Variants in MYO3B observed in about 807,000 individuals in gnomAD.
The protein encoded by MYO3B is myosin-IIIb.
Under a neutral mutation model 174.6 loss-of-function variants are expected in MYO3B, and 156 were observed. The ratio of observed to expected loss-of-function variants is 0.89; its 90% confidence interval spans 0.78 to 1.02. MYO3B has a LOEUF of 1.02. Among genes scored for constraint, MYO3B ranks in the 50% least tolerant of loss-of-function variants. MYO3B has a pLI of 0.00. For missense variants in MYO3B, 1,632 were observed against 1,639.4 expected (o/e 1.00, Z 0.08); for synonymous variants, 563 against 569.1 (o/e 0.99, Z 0.15).
intron 32 of MYO3B, among the ~76,000 whole-genome samples, chr2:170,606,003 G>C (rs773567660): frequency 1.7e-4 from 26 of 151,982 alleles, no homozygotes; most frequent in Non-Finnish European, 3.1e-4. Flanking sequence ...TCTTGATTTT[G>C]TCCATTTCTC....
intron 32 of MYO3B, among the ~76,000 whole-genome samples, chr2:170,571,866 A>G (rs1189577001): frequency 6.6e-6 from 1 of 152,218 alleles, no homozygotes; most frequent in African/African-American, 2.4e-5. Context: ...TGCCTTTTCA[A>G]CAACTTTTTA....
At chr2:170,265,845 CA>C (rs1422946617) in intron 7 of MYO3B, among the ~76,000 whole-genome samples, 8 of 151,848 alleles carry the variant, frequency 5.3e-5, no homozygotes, top group African/African-American at 1.9e-4. Context: ...GAGTATGCAA[CA>C]AGATGAAAAC....
chr2:170,314,671 A>G (rs2093762436), intron 7 of MYO3B, among the ~76,000 whole-genome samples: 1 of 152,232 alleles, frequency 6.6e-6, no homozygotes, highest in Admixed American at 6.5e-5. Context: ...ATAAAGAACT[A>G]TGTATTTTAA....
At chr2:170,253,412 G>A (rs766128176) in intron 7 of MYO3B, among the ~76,000 whole-genome samples, 6 of 152,228 alleles carry the variant, frequency 3.9e-5, no homozygotes, top group Non-Finnish European at 7.3e-5. Context: ...CTTGGTGGGA[G>A]TATGCAGCCG....
intron 7 of MYO3B, among the ~76,000 whole-genome samples, chr2:170,255,804 T>A (rs2093299894): frequency 2.0e-5 from 3 of 152,124 alleles, no homozygotes. Context: ...CTCACCAAAT[T>A]GAAATGTCTG....
At chr2:170,313,835 C>T (rs1226815354) in intron 7 of MYO3B, among the ~76,000 whole-genome samples, 1 of 152,106 alleles carries the variant, frequency 6.6e-6, no homozygotes, top group Non-Finnish European at 1.5e-5. Flanking sequence ...TTTTCCACCC[C>T]TCAATAGTAG....
At chr2:170,278,472 A>T (rs554962069) in intron 7 of MYO3B, among the ~76,000 whole-genome samples, 3 of 152,134 alleles carry the variant, frequency 2.0e-5, no homozygotes, top group Admixed American at 1.3e-4. Flanking sequence ...TAGTGCATAA[A>T]TTTTTTCTTT....
intron 32 of MYO3B, among the ~76,000 whole-genome samples, chr2:170,633,321 C>A (rs909788739): frequency 1.3e-5 from 2 of 152,172 alleles, no homozygotes; most frequent in African/African-American, 2.4e-5. Context: ...TCAACATACG[C>A]AAATCAATAA....
chr2:170,232,155 T>C (rs190785861), intron 6 of MYO3B, among the ~76,000 whole-genome samples: 137 of 152,310 alleles, frequency 9.0e-4, no homozygotes, highest in Middle Eastern at 6.8e-3. Flanking sequence ...CACCTTCTCC[T>C]GGGGACAAGG....
intron 9 of MYO3B, among the ~76,000 whole-genome samples, chr2:170,375,174 A>G (rs931922603): frequency 6.6e-6 from 1 of 152,126 alleles, no homozygotes; most frequent in African/African-American, 2.4e-5. Context: ...TTCTTCCCCA[A>G]ACCAGTTTTG....
intron 22 of MYO3B, among the ~76,000 whole-genome samples, chr2:170,440,962 C>T (rs1322893665): frequency 3.3e-5 from 5 of 151,712 alleles, no homozygotes; most frequent in East Asian, 3.9e-4. Context: ...CCACCACGCC[C>T]GGCTAATTTT....
chr2:170,272,616 T>G (rs1357342575), intron 7 of MYO3B, among the ~76,000 whole-genome samples: 1 of 152,076 alleles, frequency 6.6e-6, no homozygotes, highest in African/African-American at 2.4e-5. Flanking sequence ...TTTGAGAGTG[T>G]CTCCCAAAAA....
At chr2:170,517,684 A>G (rs1354079420) in intron 29 of MYO3B, among the ~76,000 whole-genome samples, 2 of 152,202 alleles carry the variant, frequency 1.3e-5, no homozygotes, top group Admixed American at 6.5e-5. Context: ...CCTTCTTAAC[A>G]GGGAAACAGA....
intron 32 of MYO3B, among the ~76,000 whole-genome samples, chr2:170,559,854 A>T (rs923905429): frequency 9.9e-5 from 15 of 152,042 alleles, no homozygotes; most frequent in African/African-American, 3.6e-4. Context: ...CTGATATTTA[A>T]GGTTTTTATT....
chr2:170,399,357 C>T (rs1203920665), intron 16 of MYO3B, among the ~76,000 whole-genome samples: 2 of 134,104 alleles, frequency 1.5e-5, no homozygotes, highest in Non-Finnish European at 1.6e-5. Flanking sequence ...GTCTGTAATC[C>T]CAGCTACTTG....
intron 25 of MYO3B, among the ~76,000 whole-genome samples, chr2:170,486,198 TC>T (rs1197226411): frequency 6.6e-6 from 1 of 152,004 alleles, no homozygotes; most frequent in African/African-American, 2.4e-5. Context: ...TTAGGAGGCT[TC>T]CAACTTATTA....
chr2:170,574,941 C>T (rs975353167), intron 32 of MYO3B, among the ~76,000 whole-genome samples: 5 of 152,144 alleles, frequency 3.3e-5, no homozygotes, highest in African/African-American at 1.2e-4. Flanking sequence ...TTCACTTACC[C>T]TCCCCACTCC....
chr2:170,560,657 T>C (rs1175074848), intron 32 of MYO3B, among the ~76,000 whole-genome samples: 1 of 152,204 alleles, frequency 6.6e-6, no homozygotes, highest in Non-Finnish European at 1.5e-5. Context: ...TCTTAGGGGA[T>C]GAGTTTACAC....
chr2:170,537,448 A>ATTTTTTTGTTTTTTTTT (rs1689789410), intron 30 of MYO3B, among the ~76,000 whole-genome samples: 1 of 54,804 alleles, frequency 1.8e-5, no homozygotes, highest in African/African-American at 8.2e-5. Flanking sequence ...GAGCTCTTTG[A>ATTTTTTTGTTTTTTTTT]TTTTTTTTTT....
Sources: allele counts gnomAD v4.1 joint callset (sites outside exome capture counted in the v4.1 genomes callset), GRCh38; gene constraint gnomAD v4.1.1; transcripts MANE v1.5; gene names NCBI Gene and HGNC (gene_info 2026-07-23, HGNC 2026-07-21).